SYK: variants seen among roughly 807,000 people sequenced by gnomAD.
SYK encodes the protein tyrosine-protein kinase SYK.
Under a neutral mutation model 77.8 loss-of-function variants are expected in SYK, and 16 were observed. The observed-to-expected ratio is 0.21, with a 90% CI of 0.14 to 0.31. SYK has a LOEUF of 0.31. Ranked by LOEUF, SYK falls within the 10% of genes least tolerant of loss-of-function variation. The pLI, the probability that SYK is intolerant of heterozygous loss-of-function variation, is 1.00. For synonymous variants in SYK, 312 were observed against 308.7 expected (o/e 1.01, Z -0.11); for missense variants, 529 against 814.4 (o/e 0.65, Z 4.26).
chr9:90,867,270 C>T, intron 7 of SYK, 71 bp downstream of exon 7: 2 of 1,493,496 alleles, frequency 1.3e-6, no homozygotes, highest in Non-Finnish European at 1.9e-6. Flanking sequence ...CCCGCCCGCC[C>T]AGTCTGCCCT....
intron 13 of SYK, among the ~76,000 whole-genome samples, chr9:90,892,850 T>C (rs572405857): frequency 6.6e-6 from 1 of 152,214 alleles, no homozygotes; most frequent in African/African-American, 2.4e-5. Context: ...TCTCTGAGAG[T>C]CAGGGAGGCT....
intron 1 of SYK, among the ~76,000 whole-genome samples, chr9:90,831,177 C>T (rs142227199): frequency 8.9e-4 from 135 of 152,282 alleles, no homozygotes; most frequent in African/African-American, 3.0e-3. Flanking sequence ...GCTCTAATGG[C>T]CCAGGGATGT....
chr9:90,831,259 G>A (rs1160288749), intron 1 of SYK, among the ~76,000 whole-genome samples: 1 of 152,212 alleles, frequency 6.6e-6, no homozygotes, highest in Non-Finnish European at 1.5e-5. Context: ...GGGCTGGAGG[G>A]GAGGAGGCAG....
intron 1 of SYK, among the ~76,000 whole-genome samples, chr9:90,810,268 C>T (rs183119911): frequency 2.1e-4 from 32 of 152,290 alleles, no homozygotes; most frequent in African/African-American, 7.5e-4. Context: ...ACAATGTGCC[C>T]CCAGCATCTC....
At position 90,834,809 on chromosome 9, in the gene SYK, A is replaced by C. The variant is rs73650260; in HGVS notation, c.-41-9049A>C. Among the ~76,000 whole-genome samples the C allele has an allele frequency of 9.7e-3, 1,475 of 152,304 alleles. 25 individuals are homozygous for C. The highest frequency in any genetic ancestry group is 0.034 in the African/African-American group (1,429 of 41,546). ...TATTAGTATATTTTATATGTGGCCC[A>C]AGACAATCCTTCTTTTATCAGTGTG... is the stretch of plus-strand genomic sequence containing the variant. On this transcript the variant is annotated intron_variant, in intron 1 of 13. Transcript: ENST00000375754.
intron 1 of SYK, among the ~76,000 whole-genome samples, chr9:90,811,627 C>T (rs1309007907): frequency 1.3e-5 from 2 of 152,108 alleles, no homozygotes; most frequent in African/African-American, 2.4e-5. Context: ...GTTTAAAAAA[C>T]TCATGCTGGG....
rs566409927 is a variant in SYK at position 90,839,158 on chromosome 9, C to T, written c.-41-4700C>T. ...GAGGTTGGAGACCAGGACAAGGCCC[C>T]GGGTGGGTGCCGGTGGGTGCCAGTC... On this transcript the variant is annotated intron_variant, in intron 1 of 13. Transcript: ENST00000375754. 1.5e-4 allele frequency among the ~76,000 whole-genome samples: 23 copies of T among 152,276 alleles called. 1 individual carries two copies. The highest frequency in any genetic ancestry group is 1.2e-3 in the Admixed American group (19 of 15,304).
rs201036774 is a variant in SYK, at chr9:90,874,630, G to A, written c.1004-42G>A. Reference sequence around the variant, plus strand: ...TTCTTGGAAGGATGAATCCTGGTGTGGGGTCCAGCCCCAGGTCGTATGTTT... The same window carrying A: ...TTCTTGGAAGGATGAATCCTGGTGTAGGGTCCAGCCCCAGGTCGTATGTTT... On this transcript the variant is annotated intron_variant, in intron 8 of 13. Transcript: ENST00000375754. 107 of 1,571,184 alleles carry A rather than the reference G, an allele frequency of 6.8e-5. 1 individual carries two copies. The South Asian group carries it at 8.3e-4, about 12-fold the overall frequency.
At chr9:90,826,511 G>T (rs1825672098) in intron 1 of SYK, among the ~76,000 whole-genome samples, 1 of 152,172 alleles carries the variant, frequency 6.6e-6, no homozygotes, top group Admixed American at 6.5e-5. Context: ...CACAAGTTTG[G>T]GGTGCAGGTG....
intron 1 of SYK, among the ~76,000 whole-genome samples, chr9:90,809,190 T>C (rs908510159): frequency 3.9e-5 from 6 of 152,208 alleles, no homozygotes; most frequent in African/African-American, 1.4e-4. Context: ...GGTGATCTTG[T>C]AGCTCTGTCA....
intron 1 of SYK, among the ~76,000 whole-genome samples, chr9:90,826,666 G>A (rs923376108): frequency 1.3e-5 from 2 of 152,188 alleles, no homozygotes; most frequent in Non-Finnish European, 2.9e-5. Context: ...GATGTTTCAC[G>A]GCCTTTTGTG....
chr9:90,859,315 T>G (rs1373629558), intron 3 of SYK, among the ~76,000 whole-genome samples: 1 of 152,216 alleles, frequency 6.6e-6, no homozygotes. Context: ...TTGTTTGTTT[T>G]TTTAGTTTTA....
chr9:90,845,136 A>G (rs1428436098), intron 2 of SYK, among the ~76,000 whole-genome samples: 1 of 152,156 alleles, frequency 6.6e-6, no homozygotes, highest in African/African-American at 2.4e-5. Context: ...GGGTTTCACC[A>G]TGCTGGCCAG....
rs181340212 is a variant in SYK at position 90,840,666 on chromosome 9, C to G, written c.-41-3192C>G. On this transcript the variant is annotated intron_variant, in intron 1 of 13. Coordinates refer to ENST00000375754, the MANE Select transcript of SYK (RefSeq NM_003177.7). ...GTTTCCAGAGATGTCTTTCTGTTAA[C>G]AGCATTCTTAGACTCAAAAGTAAAT... Among the ~76,000 whole-genome samples the G allele has an allele frequency of 2.7e-3, 412 of 150,808 alleles. 1 individual carries two copies. Among genetic ancestry groups the G allele is most frequent in the Non-Finnish European group, 4.2e-3 (287 of 67,846 alleles).
At chr9:90,874,527 G>A (rs1180743418) in intron 8 of SYK, 145 bp from the exon 9 acceptor site, 7 of 1,111,060 alleles carry the variant, frequency 6.3e-6, no homozygotes, top group Non-Finnish European at 7.8e-6. Context: ...CGTTGGAAAT[G>A]TCCCTGCCAC....
chr9:90,809,301 C>A (rs752350710), intron 1 of SYK, among the ~76,000 whole-genome samples: 1 of 152,182 alleles, frequency 6.6e-6, no homozygotes, highest in East Asian at 1.9e-4. Flanking sequence ...CGATTAGAAA[C>A]GGGCTCAGAA....
chr9:90,812,741 A>ATGTGTGTGTGTGTGTG (rs759021735), intron 1 of SYK, among the ~76,000 whole-genome samples: 11 of 109,956 alleles, frequency 1.0e-4, no homozygotes, highest in African/African-American at 2.3e-4. Flanking sequence ...CCCATTTGAT[A>ATGTGTGTGTGTGTGTG]TGTGTGTGTG....
intron 7 of SYK, among the ~76,000 whole-genome samples, chr9:90,871,722 C>T (rs1320016461): frequency 1.3e-5 from 2 of 152,168 alleles, no homozygotes; most frequent in African/African-American, 4.8e-5. Context: ...TTCTTTGCTC[C>T]AGTCCTGTTA....
intron 1 of SYK, among the ~76,000 whole-genome samples, chr9:90,826,485 A>G (rs1471061155): frequency 6.6e-6 from 1 of 152,244 alleles, no homozygotes; most frequent in Admixed American, 6.5e-5. Flanking sequence ...CTTGTTTTTC[A>G]TGAAGCTGTC....
Sources: allele counts gnomAD v4.1 joint callset (sites outside exome capture counted in the v4.1 genomes callset), GRCh38; gene constraint gnomAD v4.1.1; transcripts MANE v1.5; gene names NCBI Gene and HGNC (gene_info 2026-07-23, HGNC 2026-07-21).